The following MARCHF10 variants were observed in gnomAD, a reference collection of about 807,000 sequenced individuals.
MARCHF10 encodes the protein probable E3 ubiquitin-protein ligase MARCHF10.
MARCHF10 carries 64 observed loss-of-function variants against 76.2 expected under a neutral mutation model. The observed-to-expected ratio is 0.84, with a 90% CI of 0.69 to 1.03. The LOEUF (loss-of-function observed/expected upper bound fraction) is 1.03, where lower values mean the gene tolerates loss of function less well. Ranked by LOEUF, MARCHF10 falls within the 50% of genes least tolerant of loss-of-function variation. The pLI is 0.00. For missense variants in MARCHF10, 875 were observed against 958.0 expected (o/e 0.91, Z 1.14); for synonymous variants, 340 against 357.5 (o/e 0.95, Z 0.55).
At chr17:62,752,953 T>G (rs374531953) in intron 4 of MARCHF10, among the ~76,000 whole-genome samples, 83 of 152,314 alleles carry the variant, frequency 5.4e-4, no homozygotes, top group African/African-American at 1.9e-3. Context: ...CACTTTCCTA[T>G]GCAGAGCCCT....
At chr17:62,704,947 T>TC in intron 10 of MARCHF10, 6 of 588,928 alleles carry the variant, frequency 1.0e-5, no homozygotes, top group Non-Finnish European at 1.2e-5. Context: ...TCTCCAGTCG[T>TC]TTTTTTTTTT....
At chr17:62,801,573 T>G in intron 2 of MARCHF10, 73 bp downstream of exon 2, 1 of 1,332,832 alleles carries the variant, frequency 7.5e-7, no homozygotes, top group Non-Finnish European at 1.1e-6. Flanking sequence ...TATCATACGT[T>G]GATGCTGTAT....
At chr17:62,747,841 C>T (rs971775080) in intron 4 of MARCHF10, among the ~76,000 whole-genome samples, 1 of 152,138 alleles carries the variant, frequency 6.6e-6, no homozygotes, top group Admixed American at 6.6e-5. Context: ...AATAGCAACT[C>T]TTTATATTAT....
intron 6 of MARCHF10, 78 bp from the exon 7 acceptor site, chr17:62,725,182 G>A: frequency 7.3e-7 from 1 of 1,366,506 alleles, no homozygotes; most frequent in Non-Finnish European, 9.7e-7. Context: ...CCAGAGCATT[G>A]ACAGAGAAGG....
chr17:62,757,039 G>A (rs2092065566), intron 4 of MARCHF10, among the ~76,000 whole-genome samples: 1 of 152,110 alleles, frequency 6.6e-6, no homozygotes, highest in Non-Finnish European at 1.5e-5. Context: ...GGTTCTAGAT[G>A]GCAGATTACA....
chr17:62,729,369 T>C (rs2090912246), intron 6 of MARCHF10, among the ~76,000 whole-genome samples: 1 of 151,330 alleles, frequency 6.6e-6, no homozygotes, highest in Non-Finnish European at 1.5e-5. Context: ...CAAAAAATAC[T>C]GTTCGTATTT....
intron 2 of MARCHF10, among the ~76,000 whole-genome samples, chr17:62,793,808 C>T (rs1412252558): frequency 2.0e-5 from 3 of 148,648 alleles, no homozygotes; most frequent in African/African-American, 5.0e-5. Flanking sequence ...CCACCTCCAT[C>T]GACCACCACC....
At chr17:62,777,238 A>C (rs897976235) in intron 3 of MARCHF10, among the ~76,000 whole-genome samples, 1 of 152,162 alleles carries the variant, frequency 6.6e-6, no homozygotes, top group African/African-American at 2.4e-5. Flanking sequence ...CACTGGACCA[A>C]ATTGAGGACT....
chr17:62,725,991 G>T (rs908250978), intron 6 of MARCHF10: 1 of 152,244 alleles, frequency 6.6e-6, no homozygotes, highest in African/African-American at 2.4e-5. Context: ...CTGGCAAGGT[G>T]TTGTGCACAG....
chr17:62,781,804 G>A (rs1382370277), intron 3 of MARCHF10, among the ~76,000 whole-genome samples: 1 of 152,178 alleles, frequency 6.6e-6, no homozygotes, highest in Non-Finnish European at 1.5e-5. Flanking sequence ...TCTGGGTTAA[G>A]GAATGAACAA....
chr17:62,745,891 A>C (rs940013803), intron 4 of MARCHF10, among the ~76,000 whole-genome samples: 14 of 152,204 alleles, frequency 9.2e-5, no homozygotes, highest in African/African-American at 3.1e-4. Flanking sequence ...TACATCGTGA[A>C]TATCTGGACG....
At chr17:62,776,615 T>C in intron 3 of MARCHF10, among the ~76,000 whole-genome samples, 1 of 152,206 alleles carries the variant, frequency 6.6e-6, no homozygotes, top group Non-Finnish European at 1.5e-5. Context: ...AGCACCCTGG[T>C]CTGCCTACAG....
Position 62,711,521 on chromosome 17 carries a change from C to A in MARCHF10, c.2215-177G>T, listed in dbSNP as rs547500423. 6.6e-6 allele frequency among the ~76,000 whole-genome samples: 1 copy of A among 152,104 alleles called. No homozygotes were observed. Among genetic ancestry groups the A allele is most frequent in the Non-Finnish European group, 1.5e-5 (1 of 68,028 alleles). On this transcript the variant is annotated intron_variant, in intron 8 of 10. Transcript: ENST00000311269. The surrounding 1 kb of genome is among the most constrained non-coding windows in gnomAD (Gnocchi z 4.4). Reference sequence around the variant, plus strand: ...AGCAGGAGGAGATCCAGGGTAGAGGCCAGGGCAGCCACTCCCCTGGGATTT... The same window carrying A: ...AGCAGGAGGAGATCCAGGGTAGAGGACAGGGCAGCCACTCCCCTGGGATTT...
At chr17:62,746,718 T>A in intron 4 of MARCHF10, 1 of 619,842 alleles carries the variant, frequency 1.6e-6, no homozygotes, top group Non-Finnish European at 2.8e-6. Context: ...GTCTAGAAGG[T>A]CAGGACCTGG....
intron 3 of MARCHF10, among the ~76,000 whole-genome samples, chr17:62,780,591 G>T (rs2092639891): frequency 2.0e-5 from 3 of 152,132 alleles, no homozygotes; most frequent in African/African-American, 7.2e-5. Flanking sequence ...TGGTGACCTG[G>T]AATCTAAATA....
At chr17:62,716,431 CAA>C (rs67814270) in intron 8 of MARCHF10, among the ~76,000 whole-genome samples, 1,400 of 124,618 alleles carry the variant, frequency 0.011, 7 homozygotes, top group Non-Finnish European at 0.015. Flanking sequence ...CCCCATCTCT[CAA>C]AAAAAAAAAA....
chr17:62,705,715 G>A, intron 9 of MARCHF10, 134 bp from the exon 10 acceptor site: 1 of 1,085,674 alleles, frequency 9.2e-7, no homozygotes, highest in East Asian at 2.6e-5. Context: ...ATGGGCAGAG[G>A]TGCTGAGGGC....
At position 62,701,320 on chromosome 17, in the gene MARCHF10, A is replaced by C. The variant is rs538906981; in HGVS notation, c.*383T>G. 8.3e-4 allele frequency: 196 copies of C among 236,344 alleles called. No individual in the cohort carries two copies. The highest frequency in any genetic ancestry group is 4.3e-3 in the African/African-American group (192 of 44,816). The allele number at this position is 236,344 out of a possible 1,614,324, so 14.6% of individuals were successfully genotyped here. ...AAATAAACATGAACGAAGCTGGGAGAATAATGTCAGTTTACTGAATGAATA... is the reference window on the plus strand; with the variant it reads ...AAATAAACATGAACGAAGCTGGGAGCATAATGTCAGTTTACTGAATGAATA... On this transcript the variant is annotated 3_prime_UTR_variant, in exon 11 of 11. Transcript: ENST00000311269.
chr17:62,744,160 GCCTTCC>G (rs1297338587), intron 5 of MARCHF10, among the ~76,000 whole-genome samples: 1 of 151,690 alleles, frequency 6.6e-6, no homozygotes, highest in East Asian at 1.9e-4. Context: ...CCCCGACCCC[GCCTTCC>G]CCTTTTCCCA....
Sources: allele counts gnomAD v4.1 joint callset (sites outside exome capture counted in the v4.1 genomes callset), GRCh38; gene constraint gnomAD v4.1.1; non-coding constraint Gnocchi (gnomAD v3.1); transcripts MANE v1.5; gene names NCBI Gene and HGNC (gene_info 2026-07-23, HGNC 2026-07-21).